The following CIAPIN1 variants were observed in gnomAD, a reference collection of about 807,000 sequenced individuals.
The protein encoded by CIAPIN1 is cytokine induced apoptosis inhibitor 1.
A neutral mutation model predicts 34.3 loss-of-function variants in CIAPIN1; 18 were observed. The observed-to-expected ratio is 0.52, with a 90% CI of 0.36 to 0.78. The LOEUF (loss-of-function observed/expected upper bound fraction) is 0.78, where lower values mean the gene tolerates loss of function less well. Among genes scored for constraint, CIAPIN1 ranks in the 30% least tolerant of loss-of-function variants. The pLI is 0.00. For synonymous variants in CIAPIN1, 131 were observed against 140.4 expected, an observed-to-expected ratio of 0.93 and a Z score of 0.47; for missense variants, 310 against 372.5, an observed-to-expected ratio of 0.83 and a Z score of 1.38.
chr16:57,436,081 T>C (rs1469182857), intron 4 of CIAPIN1, among the ~76,000 whole-genome samples: 1 of 152,170 alleles, frequency 6.6e-6, no homozygotes, highest in Non-Finnish European at 1.5e-5. Context: ...TACTGAGAGG[T>C]GGGTGTTGGA....
At chr16:57,429,396 T>A (rs1903028191) in intron 8 of CIAPIN1, 116 bp from the exon 9 acceptor site, 1 of 687,076 alleles carries the variant, frequency 1.5e-6, no homozygotes, top group South Asian at 1.7e-5. Context: ...ATGGCTATGT[T>A]TGCAGGTCCA....
chr16:57,440,807 CG>C lies in CIAPIN1; in HGVS notation c.121del (p.Arg41AlafsTer27). On this transcript the variant is annotated frameshift_variant, in exon 2 of 9. Transcript: ENST00000394391. LOFTEE classifies it high-confidence loss of function. ...KLQALTGNEG[R>X]VSVENIKQLL... The stretch of plus-strand genomic sequence containing the variant: ...CTGCTTGATGTTTTCCACAGACACG[CG>C]GCCCTCATTGCCGGTTAACGCTTGA... 6.2e-7 allele frequency: 1 copy of C among 1,613,742 alleles called. No individual in the cohort carries two copies. Among genetic ancestry groups the C allele is most frequent in the Non-Finnish European group, 8.5e-7 (1 of 1,179,780 alleles).
chr16:57,441,765 T>A (rs1301695450), intron 1 of CIAPIN1, among the ~76,000 whole-genome samples: 1 of 152,208 alleles, frequency 6.6e-6, no homozygotes. Context: ...AACTTCCTCT[T>A]CCACTTGATA....
chr16:57,433,908 T>G, intron 5 of CIAPIN1, 136 bp downstream of exon 5: 1 of 794,638 alleles, frequency 1.3e-6, no homozygotes, highest in South Asian at 1.5e-5. Context: ...ACATTAAGTA[T>G]TCTTCTTTGT....
chr16:57,433,760 C>A, intron 5 of CIAPIN1: 1 of 362,162 alleles, frequency 2.8e-6, no homozygotes, highest in Non-Finnish European at 5.3e-6. Flanking sequence ...CCTGGAAGGA[C>A]CTCATTAATT....
chr16:57,441,425 T>G (rs1207375909), intron 1 of CIAPIN1: 1 of 152,584 alleles, frequency 6.6e-6, no homozygotes, highest in African/African-American at 2.4e-5. Context: ...ATTTGCAAAC[T>G]GAATACTGGT....
intron 1 of CIAPIN1, 25 bp from the exon 2 acceptor site, chr16:57,441,008 A>T (rs1301112067): frequency 9.1e-6 from 13 of 1,420,982 alleles, no homozygotes; most frequent in Non-Finnish European, 1.3e-5. Flanking sequence ...AGTGCAATTT[A>T]ATCTGTGAGA....
chr16:57,445,060 A>G (rs936617698), intron 1 of CIAPIN1, among the ~76,000 whole-genome samples: 1 of 152,190 alleles, frequency 6.6e-6, no homozygotes, highest in African/African-American at 2.4e-5. Context: ...TAAGCATCAA[A>G]TCTTGAGGCA....
At chr16:57,444,205 G>A (rs1288506845) in intron 1 of CIAPIN1, among the ~76,000 whole-genome samples, 8 of 152,200 alleles carry the variant, frequency 5.3e-5, no homozygotes, top group Admixed American at 2.6e-4. Context: ...TGGATCTTAT[G>A]GGCACATGAC....
Position 57,431,225 on chromosome 16 carries a change from C to T in CIAPIN1, c.672G>A (p.Leu224=), listed in dbSNP as rs753192325. The T allele has an allele frequency of 1.4e-5, 22 of 1,613,872 alleles. No homozygotes were observed. In the African/African-American group the frequency reaches 2.8e-4, roughly 21 times the overall value. Residue 224 remains leucine (L), a synonymous_variant, in exon 7 of 9, where the codon TTG becomes TTA. Coordinates refer to ENST00000394391, the MANE Select transcript of CIAPIN1 (RefSeq NM_020313.4). ...DSDELLDPED[L]KKPDPASLRA... ...GCAGGGAAGCTGGATCTGGCTTCTTCAAATCTTCTGGATCCAGCAGCTCAT... is the reference window on the plus strand; with the variant it reads ...GCAGGGAAGCTGGATCTGGCTTCTTTAAATCTTCTGGATCCAGCAGCTCAT...
intron 5 of CIAPIN1, among the ~76,000 whole-genome samples, chr16:57,432,849 A>G (rs1434696739): frequency 6.6e-6 from 1 of 152,210 alleles, no homozygotes; most frequent in Non-Finnish European, 1.5e-5. Context: ...TTATGAGGTA[A>G]CTATCTGTCA....
Position 57,429,274 on chromosome 16 carries a change from G to A in CIAPIN1, c.835C>T (p.Leu279=). The A allele has an allele frequency of 6.2e-7, 1 of 1,612,234 alleles. No individual in the cohort carries two copies. Residue 279 remains leucine, a synonymous_variant, in exon 9 of 9, where the codon CTG becomes TTG. Coordinates refer to ENST00000394391, the MANE Select transcript of CIAPIN1 (RefSeq NM_020313.4). ...QPKSACGNCY[L]GDAFRCASCP... ...CTGGCACAGCGGAAGGCATCGCCCAGGTAGCACTGGAGAGAGAGAATGGGG... is the reference window on the plus strand; with the variant it reads ...CTGGCACAGCGGAAGGCATCGCCCAAGTAGCACTGGAGAGAGAGAATGGGG...
chr16:57,429,423 TAA>T, intron 8 of CIAPIN1, 143 bp from the exon 9 acceptor site: 1 of 609,642 alleles, frequency 1.6e-6, no homozygotes, highest in South Asian at 2.0e-5. Flanking sequence ...ACCAAAATAC[TAA>T]GAGTTTTCAA....
At chr16:57,435,920 GA>G (rs1362626808) in intron 4 of CIAPIN1, among the ~76,000 whole-genome samples, 1 of 152,228 alleles carries the variant, frequency 6.6e-6, no homozygotes, top group Non-Finnish European at 1.5e-5. Context: ...TAAGATCAAA[GA>G]GTGTAGAAAT....
chr16:57,442,586 G>A (rs2029893713), intron 1 of CIAPIN1, among the ~76,000 whole-genome samples: 1 of 151,936 alleles, frequency 6.6e-6, no homozygotes, highest in Non-Finnish European at 1.5e-5. Context: ...CTGGGGTGGA[G>A]GAGAGGGCCT....
intron 4 of CIAPIN1, among the ~76,000 whole-genome samples, chr16:57,434,880 A>G (rs374798015): frequency 3.3e-4 from 51 of 152,378 alleles, no homozygotes; most frequent in African/African-American, 1.2e-3. Flanking sequence ...TTGTAAATAC[A>G]TAGGAAAAGG....
At chr16:57,434,845 T>C (rs1903165004) in intron 4 of CIAPIN1, among the ~76,000 whole-genome samples, 1 of 152,216 alleles carries the variant, frequency 6.6e-6, no homozygotes, top group African/African-American at 2.4e-5. Flanking sequence ...TTTACATTTT[T>C]AAAAAAGTAT....
At chr16:57,438,287 T>A (rs1903247892) in intron 3 of CIAPIN1, among the ~76,000 whole-genome samples, 1 of 152,170 alleles carries the variant, frequency 6.6e-6, no homozygotes, top group Non-Finnish European at 1.5e-5. Flanking sequence ...ATACCACCGA[T>A]CAAAAAAGTT....
In CIAPIN1 at chr16:57,431,134, G is replaced by A. The variant is rs767365832; in HGVS notation, c.746+17C>T. The A allele has an allele frequency of 6.5e-7, 1 of 1,528,636 alleles. No individual in the cohort carries two copies. Among genetic ancestry groups the A allele is most frequent in the South Asian group, 1.1e-5 (1 of 88,822 alleles). 94.7% of individuals were successfully genotyped at this position (1,528,636 alleles called of 1,614,324 possible). ...ACTGGAGGCAGCATGGCAGGCTCCA[G>A]TCACCCCAGCACTCACCAGTTCTTA... is the stretch of plus-strand genomic sequence containing the variant. On this transcript the variant is annotated intron_variant, in intron 7 of 8. Transcript: ENST00000394391.
Sources: allele counts gnomAD v4.1 joint callset (sites outside exome capture counted in the v4.1 genomes callset), GRCh38; gene constraint gnomAD v4.1.1; transcripts MANE v1.5; gene names NCBI Gene and HGNC (gene_info 2026-07-23, HGNC 2026-07-21).